Variants in PTPRM observed in about 807,000 individuals in gnomAD.
PTPRM encodes receptor-type tyrosine-protein phosphatase mu.
In PTPRM, 47 loss-of-function variants were observed where a neutral mutation model predicts 186.7. The ratio of observed to expected loss-of-function variants is 0.25; its 90% confidence interval spans 0.20 to 0.32. The LOEUF (loss-of-function observed/expected upper bound fraction) is 0.32. Ranked by LOEUF, PTPRM falls within the 10% of genes least tolerant of loss-of-function variation. PTPRM has a pLI of 1.00. For missense variants in PTPRM, 1,494 were observed against 1,865.0 expected, an observed-to-expected ratio of 0.80 and a Z score of 3.66; for synonymous variants, 668 against 674.9, an observed-to-expected ratio of 0.99 and a Z score of 0.16.
At chr18:8,172,643 T>C (rs935120036) in intron 14 of PTPRM, among the ~76,000 whole-genome samples, 2 of 151,880 alleles carry the variant, frequency 1.3e-5, no homozygotes, top group African/African-American at 4.8e-5. Flanking sequence ...CGACATTTCT[T>C]GTGTCCTAAT....
chr18:7,701,427 C>T (rs1189814861), intron 1 of PTPRM, among the ~76,000 whole-genome samples: 2 of 151,308 alleles, frequency 1.3e-5, no homozygotes, highest in African/African-American at 4.9e-5. Context: ...GGTGAAACCC[C>T]ATCTCTACTA....
rs987917474 is a variant in PTPRM, at chr18:7,702,377, G to A, written c.74-71772G>A. 3.3e-5 allele frequency among the ~76,000 whole-genome samples: 5 copies of A among 152,162 alleles called. No individual in the cohort carries two copies. In the East Asian group the frequency reaches 9.6e-4, roughly 29 times the overall value. On this transcript the variant is annotated intron_variant, in intron 1 of 32. Transcript: ENST00000580170. ...GTTGCTTCTTGACTTTTTAATGATAGCCATTCTAACTGGCATGAGATGGTA... is the reference window on the plus strand; with the variant it reads ...GTTGCTTCTTGACTTTTTAATGATAACCATTCTAACTGGCATGAGATGGTA...
At chr18:7,699,375 A>T (rs2039911408) in intron 1 of PTPRM, among the ~76,000 whole-genome samples, 1 of 151,996 alleles carries the variant, frequency 6.6e-6, no homozygotes, top group Admixed American at 6.6e-5. Context: ...TCTGTTAATG[A>T]TGTTGTTTGA....
At chr18:8,064,597 A>T (rs962495879) in intron 7 of PTPRM, among the ~76,000 whole-genome samples, 4 of 152,202 alleles carry the variant, frequency 2.6e-5, no homozygotes, top group Admixed American at 2.0e-4. Context: ...AATTTATATA[A>T]TTTTTAGGAT....
chr18:8,126,449 C>T (rs997678418), intron 13 of PTPRM, among the ~76,000 whole-genome samples: 1 of 152,064 alleles, frequency 6.6e-6, no homozygotes, highest in Admixed American at 6.6e-5. Flanking sequence ...TAATTTCGAT[C>T]ACCCATTTCT....
At chr18:7,727,577 G>T (rs1460813185) in intron 1 of PTPRM, among the ~76,000 whole-genome samples, 1 of 152,036 alleles carries the variant, frequency 6.6e-6, no homozygotes, top group Non-Finnish European at 1.5e-5. Context: ...GCAAGCCAAT[G>T]GCATGTCAAA....
Position 8,376,503 on chromosome 18 carries a change from T to C in PTPRM, c.3368T>C (p.Ile1123Thr), listed in dbSNP as rs201576055. The C allele has an allele frequency of 6.8e-6, 11 of 1,614,004 alleles. No homozygotes were observed. The highest frequency in any genetic ancestry group is 9.3e-6 in the Non-Finnish European group (11 of 1,180,020). Residue 1123 changes from isoleucine to threonine, a missense_variant, in exon 26 of 33, where the codon ATC becomes ACC. Ile to Thr is a moderately conservative substitution (Grantham distance 89). Around this residue, in one of 3 missense-constraint regions of PTPRM, gnomAD observed 1,107 missense variants for 1,350.2 expected, o/e 0.82. Coordinates refer to ENST00000580170, the MANE Select transcript of PTPRM (RefSeq NM_001105244.2). ...ACTGGCTGTTTCATCGTCATTGATATCATGTTGGACATGGCCGAAAGGGAA... is the reference window on the plus strand; with the variant it reads ...ACTGGCTGTTTCATCGTCATTGATACCATGTTGGACATGGCCGAAAGGGAA... ...GRTGCFIVID[I>T]MLDMAEREGV...
At chr18:7,932,090 C>T (rs2051522329) in intron 5 of PTPRM, among the ~76,000 whole-genome samples, 1 of 152,206 alleles carries the variant, frequency 6.6e-6, no homozygotes, top group South Asian at 2.1e-4. Context: ...TTAGCAACCA[C>T]ATCACATTCA....
intron 2 of PTPRM, among the ~76,000 whole-genome samples, chr18:7,835,245 C>G (rs958736222): frequency 5.6e-5 from 8 of 143,694 alleles, no homozygotes; most frequent in African/African-American, 2.1e-4. Context: ...CTTAATAGTG[C>G]TTTTGCTGTA....
At chr18:7,788,670 T>A (rs2043200135) in intron 2 of PTPRM, among the ~76,000 whole-genome samples, 1 of 152,224 alleles carries the variant, frequency 6.6e-6, no homozygotes, top group South Asian at 2.1e-4. Context: ...AATGGAAATT[T>A]CATGTGCATG....
At chr18:7,729,262 A>G (rs1479939370) in intron 1 of PTPRM, among the ~76,000 whole-genome samples, 6 of 152,168 alleles carry the variant, frequency 3.9e-5, no homozygotes, top group African/African-American at 7.2e-5. Context: ...CCTTTGTTGT[A>G]CATCAAGGTA....
intron 1 of PTPRM, among the ~76,000 whole-genome samples, chr18:7,631,131 A>G (rs566237948): frequency 6.6e-6 from 1 of 152,180 alleles, no homozygotes; most frequent in Non-Finnish European, 1.5e-5. Context: ...TAAGACTTTA[A>G]TTAAGAAGGT....
intron 26 of PTPRM, 60 bp from the exon 27 acceptor site, chr18:8,378,205 C>A: frequency 6.7e-7 from 1 of 1,494,912 alleles, no homozygotes; most frequent in Non-Finnish European, 9.2e-7. Flanking sequence ...AAAATTGATA[C>A]CGTCTTTCCT....
At chr18:8,100,601 C>G (rs2091251038) in intron 11 of PTPRM, among the ~76,000 whole-genome samples, 1 of 152,228 alleles carries the variant, frequency 6.6e-6, no homozygotes, top group African/African-American at 2.4e-5. Context: ...GAATTACATT[C>G]AGTATGAGAT....
intron 7 of PTPRM, among the ~76,000 whole-genome samples, chr18:7,958,207 C>CAAAA (rs534178363): frequency 0.031 from 3,560 of 115,156 alleles, 65 homozygotes; most frequent in Non-Finnish European, 0.047. Context: ...CCATCCCCTG[C>CAAAA]AAAAAAAAAA....
chr18:7,922,309 A>G (rs1003038484), intron 4 of PTPRM, among the ~76,000 whole-genome samples: 2 of 152,322 alleles, frequency 1.3e-5, no homozygotes, highest in Non-Finnish European at 2.9e-5. Context: ...CAAGTTACAG[A>G]GAAAGTTTCT....
At chr18:7,968,308 G>A (rs1369113279) in intron 7 of PTPRM, among the ~76,000 whole-genome samples, 18 of 144,170 alleles carry the variant, frequency 1.2e-4, no homozygotes, top group Admixed American at 2.8e-4. Context: ...TGAAGGAAGC[G>A]CTAAACATGG....
chr18:8,173,019 A>G (rs1318711690), intron 14 of PTPRM, among the ~76,000 whole-genome samples: 1 of 152,208 alleles, frequency 6.6e-6, no homozygotes, highest in East Asian at 1.9e-4. Context: ...AAGGAACTGT[A>G]CTCAGTTCAG....
intron 14 of PTPRM, among the ~76,000 whole-genome samples, chr18:8,200,705 A>G (rs1015441023): frequency 2.6e-5 from 4 of 152,224 alleles, no homozygotes; most frequent in African/African-American, 9.6e-5. Flanking sequence ...AATAATTTCA[A>G]ACTCACAAAA....
Sources: gnomAD v4.1 joint callset for allele counts (sites outside exome capture counted in the v4.1 genomes callset) on GRCh38, gnomAD v4.1.1 for gene constraint, gnomAD v4.1.1 regional missense constraint, MANE v1.5 for transcripts, NCBI Gene and HGNC (gene_info 2026-07-23, HGNC 2026-07-21) for gene names.